Variants in ZDHHC4 observed in about 807,000 individuals in gnomAD.
ZDHHC4 encodes palmitoyltransferase ZDHHC4.
Under a neutral mutation model 36.7 loss-of-function variants are expected in ZDHHC4, and 42 were observed. The ratio of observed to expected loss-of-function variants is 1.14; its 90% CI spans 0.89 to 1.48. The LOEUF (loss-of-function observed/expected upper bound fraction) is 1.48, where lower values mean the gene tolerates loss of function less well. Among genes scored for constraint, ZDHHC4 ranks in the 40% most tolerant of loss-of-function variants. ZDHHC4 has a pLI of 0.00. For synonymous variants in ZDHHC4, 189 were observed against 166.6 expected (o/e 1.13, Z -1.03); for missense variants, 457 against 421.5 (o/e 1.08, Z -0.74).
chr7:6,579,331 G>A (rs1182267343), intron 2 of ZDHHC4, among the ~76,000 whole-genome samples: 1 of 151,874 alleles, frequency 6.6e-6, no homozygotes, highest in Non-Finnish European at 1.5e-5. Context: ...CCCCTGAGTC[G>A]CTGGGATTAC....
chr7:6,589,022 T>C lies in ZDHHC4; in HGVS notation c.*112T>C, dbSNP rs945217735. On this transcript the variant is annotated 3_prime_UTR_variant, in exon 8 of 8. Coordinates refer to ENST00000335965, the MANE Select transcript of ZDHHC4 (RefSeq NM_001134389.2). ...TTTCTGCTGTGCTTATAAATCACTT[T>C]CGGTGGGCAAGGGAGAGAGGGGAAA... is the stretch of plus-strand genomic sequence containing the variant. 5.1e-5 allele frequency: 71 copies of C among 1,392,158 alleles called. No individual in the cohort carries two copies. The highest frequency in any genetic ancestry group is 2.9e-5 in the African/African-American group (2 of 69,516). 86.2% of individuals were successfully genotyped at this position (1,392,158 alleles called of 1,614,324 possible). A position where few individuals can be genotyped will look rare whatever the true frequency, so the allele number is the denominator to read the frequency against.
At chr7:6,582,744 C>A (rs1780948511) in intron 5 of ZDHHC4, among the ~76,000 whole-genome samples, 1 of 152,142 alleles carries the variant, frequency 6.6e-6, no homozygotes, top group Non-Finnish European at 1.5e-5. Flanking sequence ...TCTCGAACTC[C>A]TGACCTCGTG....
At chr7:6,580,996 C>A in intron 3 of ZDHHC4, 1 of 338,974 alleles carries the variant, frequency 3.0e-6, no homozygotes, top group Non-Finnish European at 5.5e-6. Flanking sequence ...TCCACAGCCT[C>A]TGTCTGTGTG....
At position 6,582,199 on chromosome 7, in the gene ZDHHC4, G is replaced by A. The variant is rs777267217; in HGVS notation, c.318G>A (p.Leu106=). Residue 106 remains leucine (L), a synonymous_variant, in exon 5 of 8, where the codon CTG becomes CTA. Coordinates refer to ENST00000335965, the MANE Select transcript of ZDHHC4 (RefSeq NM_001134389.2). ...TGCATTACCTTCTTCTGCCCTATCTGCTGCTAGGTGTAAACCTGTTTTTTT... is the reference window on the plus strand; with the variant it reads ...TGCATTACCTTCTTCTGCCCTATCTACTGCTAGGTGTAAACCTGTTTTTTT... ...LSLHYLLLPY[L]LLGVNLFFFT... is the part of the protein sequence containing the mutation. 9 of 1,613,990 alleles carry A rather than the reference G, an allele frequency of 5.6e-6. No homozygotes were observed. The African/African-American group carries it at 1.2e-4, about 22-fold the overall frequency.
chr7:6,579,727 A>T (rs1297818358), intron 2 of ZDHHC4, among the ~76,000 whole-genome samples: 1 of 152,232 alleles, frequency 6.6e-6, no homozygotes, highest in Admixed American at 6.5e-5. Flanking sequence ...AAGTAAAAGA[A>T]TGATTCATGC....
At chr7:6,581,530 A>T in intron 3 of ZDHHC4, 77 bp from the exon 4 acceptor site, 1 of 1,093,200 alleles carries the variant, frequency 9.1e-7, no homozygotes, top group Non-Finnish European at 1.4e-6. Context: ...TGCCAGCTGT[A>T]TGTGGAGTGT....
chr7:6,589,305 A>C lies in ZDHHC4; in HGVS notation c.*395A>C, dbSNP rs1023377562. ...CTGTGCTCTCTTTTATGCCCCCTCT[A>C]TTCTCCTCTCTCCCCCAGGGGATTT... is the stretch of plus-strand genomic sequence containing the variant. On this transcript the variant is annotated 3_prime_UTR_variant, in exon 8 of 8. Transcript: ENST00000335965. 8 of 204,514 alleles carry C rather than the reference A, an allele frequency of 3.9e-5. No homozygotes were observed. The East Asian group carries it at 7.8e-4, about 20-fold the overall frequency. The allele number at this position is 204,514 out of a possible 1,614,324, so 12.7% of individuals were successfully genotyped here.
In ZDHHC4 at chr7:6,589,016, T is replaced by A; in HGVS notation, c.*106T>A. Reference sequence around the variant, plus strand: ...TTTTGATTTCTGCTGTGCTTATAAATCACTTTCGGTGGGCAAGGGAGAGAG... The same window carrying A: ...TTTTGATTTCTGCTGTGCTTATAAAACACTTTCGGTGGGCAAGGGAGAGAG... On this transcript the variant is annotated 3_prime_UTR_variant, in exon 8 of 8. Transcript: ENST00000335965. The A allele has an allele frequency of 7.0e-7, 1 of 1,420,558 alleles. No homozygotes were observed. Among genetic ancestry groups the A allele is most frequent in the African/African-American group, 1.4e-5 (1 of 70,258 alleles). 88.0% of individuals were successfully genotyped at this position (1,420,558 alleles called of 1,614,324 possible). A position where few individuals can be genotyped will look rare whatever the true frequency, so the allele number is the denominator to read the frequency against.
chr7:6,588,863 ATCTT>A lies in ZDHHC4; in HGVS notation c.992_995del (p.Phe331TyrfsTer23), dbSNP rs1238058727. 6.2e-7 allele frequency: 1 copy of A among 1,611,870 alleles called. No homozygotes were observed. The highest frequency in any genetic ancestry group is 1.7e-5 in the Admixed American group (1 of 59,970). On this transcript the variant is annotated frameshift_variant, in exon 8 of 8. Transcript: ENST00000335965. LOFTEE classifies it high-confidence loss of function. ...TGGGCTTCGGAGCAACCTTCAAGAGATCTTTCTACCTGCCTTTCCATGTCATGAG... is the reference window on the plus strand; with the variant it reads ...TGGGCTTCGGAGCAACCTTCAAGAGATCTACCTGCCTTTCCATGTCATGAG...
At chr7:6,583,888 T>C (rs1781043548) in intron 6 of ZDHHC4, 1 of 153,520 alleles carries the variant, frequency 6.5e-6, no homozygotes, top group Admixed American at 6.5e-5. Context: ...TTGGGCACCA[T>C]GGGGAAACCC....
chr7:6,583,324 A>G lies in ZDHHC4; in HGVS notation c.389A>G (p.Asn130Ser). ...TTCCCAGGCATTATAACAAAAGCAA[A>G]TGAATTATTATTTCTTCATGTTTAT... The part of the protein sequence containing the change: ...GTNPGIITKA[N>S]ELLFLHVYEF... The change falls in exon 6 of 8, where the codon AAT becomes AGT. Residue 130 changes from asparagine to serine, a missense_variant. Transcript: ENST00000335965. The G allele has an allele frequency of 1.9e-6, 3 of 1,613,948 alleles. No homozygotes were observed. Among genetic ancestry groups the G allele is most frequent in the Non-Finnish European group, 2.5e-6 (3 of 1,179,936 alleles).
At position 6,588,668 on chromosome 7, in the gene ZDHHC4, G is replaced by T; in HGVS notation, c.793G>T (p.Val265Phe). 1 of 1,614,192 alleles carries T rather than the reference G, an allele frequency of 6.2e-7. No homozygotes were observed. The highest frequency in any genetic ancestry group is 8.5e-7 in the Non-Finnish European group (1 of 1,180,036). Residue 265 changes from valine (V) to phenylalanine (F), a missense_variant, in exon 8 of 8, where the codon GTT (valine) becomes TTT (phenylalanine). Transcript: ENST00000335965. Reference sequence around the variant, plus strand: ...TGTCTTCATGCTGGGCTTTGTCGTGGTTCTGAGCTTCCTCCTGGGTGGCTA... The same window carrying T: ...TGTCTTCATGCTGGGCTTTGTCGTGTTTCTGAGCTTCCTCCTGGGTGGCTA... ...RIVFMLGFVVVLSFLLGGYLL... is the reference protein window; with the variant it reads ...RIVFMLGFVVFLSFLLGGYLL...
intron 4 of ZDHHC4, 27 bp from the exon 5 acceptor site, chr7:6,582,046 G>C: frequency 6.3e-7 from 1 of 1,599,556 alleles, no homozygotes; most frequent in Non-Finnish European, 8.5e-7. Flanking sequence ...AAACCCCCAT[G>C]AACAAGCCAT....
In ZDHHC4 at chr7:6,578,074, C is replaced by T. The variant is rs191798112; in HGVS notation, c.-162-492C>T. On this transcript the variant is annotated intron_variant, in intron 1 of 7. Transcript: ENST00000335965. The stretch of plus-strand genomic sequence containing the variant: ...CGAACTCCTGACCTCAGGTGTTCTA[C>T]CCGCCTCGGCCTCCCAAAGTGCTGG... Among the ~76,000 whole-genome samples the T allele has an allele frequency of 3.9e-3, 592 of 152,268 alleles. 3 individuals are homozygous for T. Among genetic ancestry groups the T allele is most frequent in the African/African-American group, 0.014 (561 of 41,554 alleles).
rs911219874 is a variant in ZDHHC4, at chr7:6,582,181, CCTT to C, written c.306_308del (p.Leu103del). The C allele has an allele frequency of 5.6e-6, 9 of 1,614,072 alleles. No individual in the cohort carries two copies. The highest frequency in any genetic ancestry group is 5.9e-6 in the Non-Finnish European group (7 of 1,180,042). ...AGGAGCTGGAGTTGTCCTTGCATTA[CCTT>C]CTTCTGCCCTATCTGCTGCTAGGTG... is the stretch of plus-strand genomic sequence containing the variant. On this transcript the variant is annotated inframe_deletion, in exon 5 of 8. Transcript: ENST00000335965.
intron 7 of ZDHHC4, among the ~76,000 whole-genome samples, chr7:6,587,203 G>C (rs1002333160): frequency 1.3e-5 from 2 of 152,008 alleles, no homozygotes; most frequent in African/African-American, 4.8e-5. Context: ...CACCATGACT[G>C]GCCCAGAATC....
At chr7:6,585,284 C>G in intron 7 of ZDHHC4, 24 bp downstream of exon 7, 1 of 1,597,976 alleles carries the variant, frequency 6.3e-7, no homozygotes, top group South Asian at 1.1e-5. Flanking sequence ...AGGTTTCTGA[C>G]TTCAAGTTTC....
Position 6,585,020 on chromosome 7 carries a change from G to A in ZDHHC4, c.501G>A (p.Val167=), listed in dbSNP as rs1209700600. 20 of 1,614,160 alleles carry A rather than the reference G, an allele frequency of 1.2e-5. No individual in the cohort carries two copies. The highest frequency in any genetic ancestry group is 1.0e-4 in the Admixed American group (6 of 60,000). The change falls in exon 7 of 8, where the codon GTG becomes GTA. Residue 167 remains valine, a synonymous_variant. Coordinates refer to ENST00000335965, the MANE Select transcript of ZDHHC4 (RefSeq NM_001134389.2). ...TGCCCCCTTGTTTCTGTGCAGGTGT[G>A]TGTAACTGGTGTGTGCACCGTTTCG... ...RKPARSKHCS[V]CNWCVHRFDH...
At chr7:6,580,806 A>G in intron 3 of ZDHHC4, 128 bp downstream of exon 3, 1 of 851,046 alleles carries the variant, frequency 1.2e-6, no homozygotes, top group East Asian at 2.5e-5. Context: ...TAATCCCGCT[A>G]CTCAGGAAGC....
Sources: allele counts gnomAD v4.1 joint callset (sites outside exome capture counted in the v4.1 genomes callset), GRCh38; gene constraint gnomAD v4.1.1; transcripts MANE v1.5; gene names NCBI Gene and HGNC (gene_info 2026-07-23, HGNC 2026-07-21).